Variants in SLC26A7 observed in about 807,000 individuals in gnomAD.
The protein encoded by SLC26A7 is anion exchange transporter.
SLC26A7 carries 59 observed loss-of-function variants against 82.5 expected under a neutral mutation model. The ratio of observed to expected loss-of-function variants is 0.72; its 90% CI spans 0.58 to 0.89. The LOEUF is 0.89. Ranked by LOEUF, SLC26A7 falls within the 40% of genes least tolerant of loss-of-function variation. The pLI is 0.00. For missense variants in SLC26A7, 820 were observed against 793.0 expected (o/e 1.03, Z -0.41); for synonymous variants, 271 against 274.3 (o/e 0.99, Z 0.12).
intron 15 of SLC26A7, among the ~76,000 whole-genome samples, chr8:91,379,204 C>T (rs1814602389): frequency 6.6e-6 from 1 of 151,902 alleles, no homozygotes; most frequent in South Asian, 2.1e-4. Context: ...GCACAATGCC[C>T]ATTGATTAGA....
chr8:91,228,191 C>T (rs896112605), intron 2 of SLC26A7, among the ~76,000 whole-genome samples: 2 of 152,200 alleles, frequency 1.3e-5, no homozygotes, highest in Non-Finnish European at 2.9e-5. Context: ...GAGAAATCAC[C>T]TGAGGTGATG....
At chr8:91,336,381 A>G (rs968197054) in intron 6 of SLC26A7, among the ~76,000 whole-genome samples, 3 of 152,120 alleles carry the variant, frequency 2.0e-5, no homozygotes, top group African/African-American at 7.2e-5. Flanking sequence ...CAGTGGCAGC[A>G]TTAGATTCTC....
chr8:91,337,781 G>A (rs914003063), intron 6 of SLC26A7, among the ~76,000 whole-genome samples: 2 of 152,120 alleles, frequency 1.3e-5, no homozygotes, highest in East Asian at 1.9e-4. Flanking sequence ...GCTGTCTTAC[G>A]AAGCATCCCT....
At chr8:91,268,635 C>A (rs978832970) in intron 2 of SLC26A7, among the ~76,000 whole-genome samples, 4 of 151,782 alleles carry the variant, frequency 2.6e-5, no homozygotes, top group Non-Finnish European at 5.9e-5. Flanking sequence ...GTCTGTGTGT[C>A]TTTTCATTGA....
chr8:91,222,534 A>G (rs1015590640), intron 2 of SLC26A7, among the ~76,000 whole-genome samples: 1 of 152,198 alleles, frequency 6.6e-6, no homozygotes, highest in African/African-American at 2.4e-5. Flanking sequence ...ATGTTCCATC[A>G]ATACCTAGTT....
At chr8:91,259,210 C>G (rs1810892499) in intron 2 of SLC26A7, among the ~76,000 whole-genome samples, 1 of 152,062 alleles carries the variant, frequency 6.6e-6, no homozygotes, top group Non-Finnish European at 1.5e-5. Context: ...GTCATCTAAT[C>G]ACACAGGTTC....
At chr8:91,211,470 C>T (rs1487543227) in intron 1 of SLC26A7, among the ~76,000 whole-genome samples, 1 of 150,768 alleles carries the variant, frequency 6.6e-6, no homozygotes, top group Non-Finnish European at 1.5e-5. Context: ...TCCTTGTTTC[C>T]AGAGTTGAAA....
chr8:91,258,217 A>G (rs187780937), intron 2 of SLC26A7, among the ~76,000 whole-genome samples: 103 of 152,128 alleles, frequency 6.8e-4, no homozygotes, highest in African/African-American at 2.4e-3. Context: ...CCACTGCTCT[A>G]TTGGTTAATT....
At chr8:91,362,500 A>C in intron 12 of SLC26A7, 41 bp downstream of exon 12, 3 of 1,470,882 alleles carry the variant, frequency 2.0e-6, no homozygotes, top group Non-Finnish European at 2.9e-6. Flanking sequence ...TTTGCACAGC[A>C]GCAAAATACA....
At position 91,380,525 on chromosome 8, in the gene SLC26A7, T is replaced by G. The variant is rs117048491; in HGVS notation, c.1676-8813T>G. On this transcript the variant is annotated intron_variant, in intron 15 of 18. Transcript: ENST00000276609. ...ACTCCTGACTGAATTTATATGCTAC[T>G]AATAAGCTATCATTTTCTTACATTT... Among the ~76,000 whole-genome samples, 1,451 of 152,324 alleles carry G rather than the reference T, an allele frequency of 9.5e-3. 9 individuals carry two copies. Among genetic ancestry groups the G allele is most frequent in the South Asian group, 0.044 (212 of 4,826 alleles).
intron 2 of SLC26A7, among the ~76,000 whole-genome samples, chr8:91,228,432 C>T (rs191111586): frequency 1.1e-3 from 174 of 152,204 alleles, no homozygotes; most frequent in Admixed American, 2.3e-3. Context: ...AGTGTTTGGG[C>T]CTTAAGAAGT....
intron 14 of SLC26A7, among the ~76,000 whole-genome samples, chr8:91,367,835 C>G (rs566459255): frequency 6.6e-6 from 1 of 152,280 alleles, no homozygotes; most frequent in African/African-American, 2.4e-5. Context: ...TACTTATCCC[C>G]CAGTCATTTA....
chr8:91,242,899 C>A (rs1376607049), intron 2 of SLC26A7, among the ~76,000 whole-genome samples: 1 of 152,036 alleles, frequency 6.6e-6, no homozygotes, highest in Non-Finnish European at 1.5e-5. Flanking sequence ...ATAACAGAAT[C>A]ATATTAAAAA....
intron 4 of SLC26A7, among the ~76,000 whole-genome samples, chr8:91,317,806 G>A (rs1812680049): frequency 6.6e-6 from 1 of 151,772 alleles, no homozygotes; most frequent in African/African-American, 2.4e-5. Context: ...TGATTTGAGT[G>A]TATTTCCCTT....
At chr8:91,370,254 G>C (rs1212361248) in intron 15 of SLC26A7, among the ~76,000 whole-genome samples, 1 of 137,892 alleles carries the variant, frequency 7.3e-6, no homozygotes. Flanking sequence ...CCTCTTCCCT[G>C]TTCTCTCTTC....
upstream of SLC26A7, among the ~76,000 whole-genome samples, chr8:91,245,064 A>G (rs1424871151): frequency 6.6e-6 from 1 of 152,194 alleles, no homozygotes; most frequent in Non-Finnish European, 1.5e-5. Flanking sequence ...ACTGTTCAGG[A>G]CTGTAATTAA....
chr8:91,276,975 C>T (rs142687412), intron 2 of SLC26A7, among the ~76,000 whole-genome samples: 292 of 152,266 alleles, frequency 1.9e-3, no homozygotes, highest in African/African-American at 6.7e-3. Context: ...TGTTTCAACA[C>T]ACATACATGC....
At chr8:91,370,584 G>T (rs1217759500) in intron 15 of SLC26A7, among the ~76,000 whole-genome samples, 3 of 152,036 alleles carry the variant, frequency 2.0e-5, no homozygotes, top group Admixed American at 6.5e-5. Flanking sequence ...GATGGCGGAT[G>T]CTTGTTAAAT....
chr8:91,351,679 C>T (rs1437577981), intron 9 of SLC26A7, 131 bp from the exon 10 acceptor site: 5 of 643,860 alleles, frequency 7.8e-6, no homozygotes, highest in Non-Finnish European at 1.4e-5. Flanking sequence ...AGCAATTTAA[C>T]AGTTATGTGT....
Sources: allele counts gnomAD v4.1 joint callset (sites outside exome capture counted in the v4.1 genomes callset), GRCh38; gene constraint gnomAD v4.1.1; transcripts MANE v1.5; gene names NCBI Gene and HGNC (gene_info 2026-07-23, HGNC 2026-07-21).